The following SORT1 variants were observed in gnomAD, a reference collection of about 807,000 sequenced individuals.
SORT1 encodes the protein sortilin 1.
In SORT1, 39 loss-of-function variants were observed where a neutral mutation model predicts 101.7. The observed-to-expected ratio is 0.38, with a 90% CI of 0.30 to 0.50. The LOEUF (loss-of-function observed/expected upper bound fraction) is 0.50. Ranked by LOEUF, SORT1 falls within the 20% of genes least tolerant of loss-of-function variation. The pLI, the probability that SORT1 is intolerant of heterozygous loss-of-function variation, is 0.90. For missense variants in SORT1, 878 were observed against 1,040.4 expected, an observed-to-expected ratio of 0.84 and a Z score of 2.15; for synonymous variants, 396 against 393.7, an observed-to-expected ratio of 1.01 and a Z score of -0.07.
chr1:109,386,190 C>T (rs896044653), intron 1 of SORT1, among the ~76,000 whole-genome samples: 12 of 152,180 alleles, frequency 7.9e-5, no homozygotes, highest in African/African-American at 2.9e-4. Flanking sequence ...TCATGTCTGT[C>T]TGACTCCAGA....
intron 7 of SORT1, among the ~76,000 whole-genome samples, chr1:109,346,764 A>AT (rs1377561781): frequency 2.0e-5 from 3 of 151,174 alleles, no homozygotes; most frequent in Non-Finnish European, 2.9e-5. Flanking sequence ...AAAAAAAAAA[A>AT]GCCACAGCAT....
chr1:109,385,686 G>A (rs1652529570), intron 1 of SORT1, among the ~76,000 whole-genome samples: 1 of 152,114 alleles, frequency 6.6e-6, no homozygotes, highest in African/African-American at 2.4e-5. Flanking sequence ...CCTGGAGTAT[G>A]CCAAGCTCTT....
intron 6 of SORT1, among the ~76,000 whole-genome samples, chr1:109,350,080 G>A (rs1017615244): frequency 6.6e-6 from 1 of 152,092 alleles, no homozygotes; most frequent in Admixed American, 6.6e-5. Flanking sequence ...CAGCTCTCAG[G>A]CTGTAATTCT....
chr1:109,350,799 C>T lies in SORT1; in HGVS notation c.782+130G>A, dbSNP rs1213946239. On this transcript the variant is annotated intron_variant, in intron 6 of 19. Transcript: ENST00000256637. ...TCAAGGCCTGTGTCACACCCCTCTC[C>T]AATATCTCTTATGGCACCCTGAAGA... 4.3e-6 allele frequency: 3 copies of T among 700,042 alleles called. No homozygotes were observed. In the East Asian group the frequency reaches 7.5e-5, roughly 17 times the overall value. 43.4% of individuals were successfully genotyped at this position (700,042 alleles called of 1,614,324 possible).
In SORT1 at chr1:109,397,618, A is replaced by T; in HGVS notation, c.275T>A (p.Phe92Tyr). Residue 92 changes from phenylalanine to tyrosine, a missense_variant, in exon 1 of 20, where the codon TTC (phenylalanine) becomes TAC (tyrosine). By Grantham distance (22) the Phe-to-Tyr change is conservative. This residue lies in a region of SORT1 where 194 missense variants were observed against 145.9 expected (regional missense o/e 1.33). Transcript: ENST00000256637. ...EDEECGRVRD[F>Y]VAKLANNTHQ... is the part of the protein sequence containing the mutation. ...CGTGTTGTTGGCCAGCTTGGCGACG[A>T]AGTCCCGGACCCGGCCGCACTCCTC... is the stretch of plus-strand genomic sequence containing the variant. The T allele has an allele frequency of 7.8e-7, 1 of 1,287,112 alleles. No individual in the cohort carries two copies. The highest frequency in any genetic ancestry group is 1.0e-6 in the Non-Finnish European group (1 of 1,004,638). 79.7% of individuals were successfully genotyped at this position (1,287,112 alleles called of 1,614,324 possible).
chr1:109,326,508 C>CATATATAT (rs1476471474), intron 13 of SORT1, among the ~76,000 whole-genome samples: 4 of 44,304 alleles, frequency 9.0e-5, no homozygotes, highest in African/African-American at 2.4e-4. Flanking sequence ...CATATATACA[C>CATATATAT]ACATACACAT....
At chr1:109,374,564 T>C (rs1651698452) in intron 1 of SORT1, among the ~76,000 whole-genome samples, 1 of 151,450 alleles carries the variant, frequency 6.6e-6, no homozygotes, top group Non-Finnish European at 1.5e-5. Flanking sequence ...GCACTACAGC[T>C]TGGGTGACAA....
At chr1:109,359,849 T>C (rs888687024) in intron 3 of SORT1, among the ~76,000 whole-genome samples, 1 of 152,100 alleles carries the variant, frequency 6.6e-6, no homozygotes, top group South Asian at 2.1e-4. Flanking sequence ...AAATTGAAAG[T>C]GTCATCTAAA....
chr1:109,356,375 G>A (rs950889445), intron 3 of SORT1, among the ~76,000 whole-genome samples: 6 of 152,122 alleles, frequency 3.9e-5, no homozygotes, highest in East Asian at 1.9e-4. Context: ...GACTGCTATC[G>A]TCATTCTGTC....
intron 11 of SORT1, among the ~76,000 whole-genome samples, chr1:109,331,477 AC>A (rs1648448692): frequency 6.6e-6 from 1 of 152,146 alleles, no homozygotes; most frequent in Admixed American, 6.5e-5. Context: ...AACATAATAA[AC>A]CCATTCATGA....
At chr1:109,353,408 C>T (rs1650101456) in intron 5 of SORT1, among the ~76,000 whole-genome samples, 1 of 151,822 alleles carries the variant, frequency 6.6e-6, no homozygotes, top group African/African-American at 2.4e-5. Context: ...CTCACCTCTG[C>T]TCAAAAATCT....
intron 1 of SORT1, among the ~76,000 whole-genome samples, chr1:109,390,336 G>C (rs1443694617): frequency 6.6e-6 from 1 of 151,984 alleles, no homozygotes; most frequent in Non-Finnish European, 1.5e-5. Context: ...AGGCAGCTCA[G>C]TAAGTGTCTA....
intron 17 of SORT1, among the ~76,000 whole-genome samples, chr1:109,314,987 C>T (rs528484268): frequency 2.0e-5 from 3 of 152,304 alleles, no homozygotes; most frequent in African/African-American, 4.8e-5. Flanking sequence ...TTAGCTCCAA[C>T]TGCCTTGAAC....
rs58644993 is a variant in SORT1, at chr1:109,327,306, G to A, written c.1475-146C>T. ...AGGAAAGAAAACCACCAAAAACTTC[G>A]GAGAAGTTGTGTTGCTCTCTCTGAT... On this transcript the variant is annotated intron_variant, in intron 12 of 19. Transcript: ENST00000256637. 0.012 allele frequency: 9,752 copies of A among 835,324 alleles called. 719 individuals are homozygous for A. The African/African-American group carries it at 0.15, about 13-fold the overall frequency. 51.7% of individuals were successfully genotyped at this position (835,324 alleles called of 1,614,324 possible).
chr1:109,332,254 G>A (rs1464088468), intron 11 of SORT1, among the ~76,000 whole-genome samples: 3 of 152,128 alleles, frequency 2.0e-5, no homozygotes, highest in African/African-American at 7.2e-5. Context: ...CTGAGTACCT[G>A]CTATATTTCA....
At chr1:109,384,326 A>G (rs1376317623) in intron 1 of SORT1, among the ~76,000 whole-genome samples, 2 of 152,206 alleles carry the variant, frequency 1.3e-5, no homozygotes, top group Non-Finnish European at 2.9e-5. Context: ...ACCGGTTAGA[A>G]TTGTCTAATA....
chr1:109,340,802 T>C lies in SORT1; in HGVS notation c.1186A>G (p.Thr396Ala), dbSNP rs750782100. The change falls in exon 10 of 20, where the codon ACT becomes GCT. Residue 396 changes from threonine to alanine, a missense_variant. Coordinates refer to ENST00000256637, the MANE Select transcript of SORT1 (RefSeq NM_002959.7). ...YSKSLDRHLYTTTGGETDFTN... is the reference protein window; with the variant it reads ...YSKSLDRHLYATTGGETDFTN... ...AAGTCCGTCTCTCCGCCTGTGGTAG[T>C]GTAGAGATGTCGGTCCAAAGACTTG... 3.1e-6 allele frequency: 5 copies of C among 1,613,942 alleles called. No homozygotes were observed. Among genetic ancestry groups the C allele is most frequent in the East Asian group, 4.5e-5 (2 of 44,884 alleles).
intron 17 of SORT1, 75 bp from the exon 18 acceptor site, chr1:109,314,853 T>G: frequency 2.7e-6 from 2 of 744,190 alleles, no homozygotes; most frequent in Non-Finnish European, 4.8e-6. Flanking sequence ...CAGCCACTCA[T>G]TCCCCTCATC....
At position 109,311,166 on chromosome 1, in the gene SORT1, A is replaced by C. The variant is rs1460893773; in HGVS notation, c.*2877T>G. On this transcript the variant is annotated 3_prime_UTR_variant, in exon 20 of 20. Coordinates refer to ENST00000256637, the MANE Select transcript of SORT1 (RefSeq NM_002959.7). ...CTGGTCTGTGGTCTCACTAAAGCCC[A>C]ATGCCCAATTAGGTCCAGAGAAGAA... 1 of 152,214 alleles carries C rather than the reference A, an allele frequency of 6.6e-6. No individual in the cohort carries two copies. Among genetic ancestry groups the C allele is most frequent in the Non-Finnish European group, 1.5e-5 (1 of 68,046 alleles). The allele number at this position is 152,214 out of a possible 1,614,324, so 9.4% of individuals were successfully genotyped here. A position where few individuals can be genotyped will look rare whatever the true frequency, so the allele number is the denominator to read the frequency against.
Sources: gnomAD v4.1 joint callset for allele counts (sites outside exome capture counted in the v4.1 genomes callset) on GRCh38, gnomAD v4.1.1 for gene constraint, gnomAD v4.1.1 regional missense constraint, MANE v1.5 for transcripts, NCBI Gene and HGNC (gene_info 2026-07-23, HGNC 2026-07-21) for gene names.